Variants in NR2F6 observed in about 807,000 individuals in gnomAD.
NR2F6 encodes the protein nuclear receptor subfamily 2 group F member 6.
NR2F6 carries 16 observed loss-of-function variants against 26.5 expected under a neutral mutation model. That is an observed-to-expected ratio of 0.60 (90% CI 0.41 to 0.92). The LOEUF is 0.92. Ranked by LOEUF, NR2F6 falls within the 40% of genes least tolerant of loss-of-function variation. The probability of loss-of-function intolerance (pLI) is 0.00; values close to 1 mark genes in which losing one functional copy is unlikely to be tolerated. For synonymous variants in NR2F6, 325 were observed against 305.0 expected, an observed-to-expected ratio of 1.07 and a Z score of -0.68; for missense variants, 536 against 631.7, an observed-to-expected ratio of 0.85 and a Z score of 1.62.
At chr19:17,240,343 G>A (rs2073462259) in intron 2 of NR2F6, among the ~76,000 whole-genome samples, 1 of 152,264 alleles carries the variant, frequency 6.6e-6, no homozygotes, top group Non-Finnish European at 1.5e-5. Context: ...TGGAGTCGGG[G>A]GTAATTGGGG....
In NR2F6 at chr19:17,235,841, C is replaced by T. The variant is rs975798313; in HGVS notation, c.598G>A (p.Asp200Asn). The T allele has an allele frequency of 4.1e-6, 6 of 1,480,022 alleles. No individual in the cohort carries two copies. The highest frequency in any genetic ancestry group is 2.9e-5 in the East Asian group (1 of 34,702). 91.7% of individuals were successfully genotyped at this position (1,480,022 alleles called of 1,614,324 possible). The change falls in exon 3 of 4, where the codon GAC (aspartate) becomes AAC (asparagine). Residue 200 changes from aspartate (D) to asparagine (N), a missense_variant. Coordinates refer to ENST00000291442, the MANE Select transcript of NR2F6 (RefSeq NM_005234.4). This position sits in a 1 kb window ranked among gnomAD's most constrained non-coding sequence, Gnocchi z 5.0. ...GGAAGAVLGI[D>N]NVCELAARLL... is the part of the protein sequence containing the mutation. ...CGCGCCGCCAGCTCGCACACGTTGT[C>T]GATGCCCAGCACCGCGCCCGCCGCG...
At chr19:17,240,133 G>A (rs1318164522) in intron 2 of NR2F6, among the ~76,000 whole-genome samples, 4 of 152,216 alleles carry the variant, frequency 2.6e-5, no homozygotes, top group East Asian at 3.8e-4. Flanking sequence ...TGCTCCCAGC[G>A]CCCGGGGTCA....
intron 1 of NR2F6, 82 bp from the exon 2 acceptor site, chr19:17,240,847 T>G: frequency 1.4e-6 from 2 of 1,403,670 alleles, no homozygotes; most frequent in Non-Finnish European, 2.0e-6. Context: ...CTTTGGAGGC[T>G]GCCCCTCAGA....
intron 1 of NR2F6, among the ~76,000 whole-genome samples, chr19:17,241,946 G>C (rs991749277): frequency 6.6e-6 from 1 of 151,544 alleles, no homozygotes. Flanking sequence ...AACTGGGGAG[G>C]TGGAGGTTGC....
chr19:17,245,159 G>T lies in NR2F6; in HGVS notation c.62C>A (p.Ala21Glu). 1 of 1,434,116 alleles carries T rather than the reference G, an allele frequency of 7.0e-7. No homozygotes were observed. 88.8% of individuals were successfully genotyped at this position (1,434,116 alleles called of 1,614,324 possible). Residue 21 changes from alanine (A) to glutamate (E), a missense_variant, in exon 1 of 4, where the codon GCG becomes GAG. Transcript: ENST00000291442. This position sits in a 1 kb window ranked among gnomAD's most constrained non-coding sequence, Gnocchi z 5.0. Reference protein sequence around the residue: ...PGGDTNGVDKAGGYPRAAEDD... With the variant: ...PGGDTNGVDKEGGYPRAAEDD... Reference sequence around the variant, plus strand: ...CTCGGCCGCGCGCGGGTAGCCGCCCGCCTTGTCCACGCCGTTCGTGTCGCC... The same window carrying T: ...CTCGGCCGCGCGCGGGTAGCCGCCCTCCTTGTCCACGCCGTTCGTGTCGCC...
chr19:17,232,681 C>T (rs2073414413), intron 3 of NR2F6, 55 bp from the exon 4 acceptor site: 1 of 1,501,212 alleles, frequency 6.7e-7, no homozygotes, highest in Admixed American at 2.3e-5. Context: ...AACACAGAGC[C>T]CACAGGGGTG....
At chr19:17,241,891 C>T (rs1343611012) in intron 1 of NR2F6, among the ~76,000 whole-genome samples, 1 of 152,068 alleles carries the variant, frequency 6.6e-6, no homozygotes, top group Non-Finnish European at 1.5e-5. Context: ...TGGCGCATGC[C>T]TGTAATCCCA....
At chr19:17,234,435 C>T (rs1444012570) in intron 3 of NR2F6, among the ~76,000 whole-genome samples, 2 of 152,004 alleles carry the variant, frequency 1.3e-5, no homozygotes, top group Non-Finnish European at 2.9e-5. Context: ...AGGCCCAAAA[C>T]CATATTTATC....
In NR2F6 at chr19:17,240,705, G is replaced by T. The variant is rs373389051; in HGVS notation, c.339C>A (p.Leu113=). 2 of 1,614,094 alleles carry T rather than the reference G, an allele frequency of 1.2e-6. No homozygotes were observed. Among genetic ancestry groups the T allele is most frequent in the South Asian group, 2.2e-5 (2 of 91,096 alleles). ...HHRNQCQYCR[L]KKCFRVGMRK... ...TCATGCCCACCCGGAAGCACTTCTT[G>T]AGACGGCAGTACTGGCACTGGTTCC... Residue 113 remains leucine (L), a synonymous_variant, in exon 2 of 4, where the codon CTC becomes CTA. Transcript: ENST00000291442.
intron 2 of NR2F6, among the ~76,000 whole-genome samples, chr19:17,236,387 C>T (rs2073438906): frequency 6.6e-6 from 1 of 151,962 alleles, no homozygotes; most frequent in East Asian, 1.9e-4. Flanking sequence ...CCTCCAAAGC[C>T]TCCAGGCCCA....
chr19:17,242,743 G>C (rs2073476538), intron 1 of NR2F6, among the ~76,000 whole-genome samples: 1 of 152,202 alleles, frequency 6.6e-6, no homozygotes, highest in South Asian at 2.1e-4. Flanking sequence ...GCAGGCAGAG[G>C]CCCAGCTCAG....
At chr19:17,242,025 GA>G (rs199571631) in intron 1 of NR2F6, among the ~76,000 whole-genome samples, 16,270 of 120,980 alleles carry the variant, frequency 0.13, 988 homozygotes, top group African/African-American at 0.19. Flanking sequence ...CAAAAAAAAA[GA>G]AAAAAAAAAA....
intron 1 of NR2F6, among the ~76,000 whole-genome samples, chr19:17,241,831 C>A (rs1259444849): frequency 6.6e-6 from 1 of 151,934 alleles, no homozygotes; most frequent in Non-Finnish European, 1.5e-5. Context: ...GCCTGGCCAA[C>A]ATGGTGAAAC....
At chr19:17,242,984 T>A (rs950295602) in intron 1 of NR2F6, among the ~76,000 whole-genome samples, 3 of 152,224 alleles carry the variant, frequency 2.0e-5, no homozygotes, top group Admixed American at 6.5e-5. Flanking sequence ...ACACCCTCTA[T>A]GGCTCCCCAT....
At chr19:17,244,786 C>T (rs180987072) in intron 1 of NR2F6, among the ~76,000 whole-genome samples, 157 bp downstream of exon 1, 397 of 152,330 alleles carry the variant, frequency 2.6e-3, no homozygotes, top group African/African-American at 9.1e-3. Context: ...CAATCCCAGC[C>T]ATGGAATGCG....
chr19:17,241,574 T>C (rs2073469492), intron 1 of NR2F6, among the ~76,000 whole-genome samples: 1 of 152,238 alleles, frequency 6.6e-6, no homozygotes, highest in Non-Finnish European at 1.5e-5. Context: ...CCTTCTCCCC[T>C]TGGCCCCTGC....
chr19:17,232,696 G>GGGGACA (rs2073414530), intron 3 of NR2F6, 70 bp from the exon 4 acceptor site: 1 of 1,481,578 alleles, frequency 6.7e-7, no homozygotes, highest in African/African-American at 1.4e-5. Flanking sequence ...GGGGTGACTA[G>GGGGACA]GGGACACCAC....
At chr19:17,241,486 G>A (rs2073468921) in intron 1 of NR2F6, among the ~76,000 whole-genome samples, 1 of 152,216 alleles carries the variant, frequency 6.6e-6, no homozygotes, top group Non-Finnish European at 1.5e-5. Flanking sequence ...GCCCCACCCT[G>A]AGAGGTGGTG....
intron 2 of NR2F6, 138 bp downstream of exon 2, chr19:17,240,533 C>A (rs570480089): frequency 9.0e-6 from 8 of 887,078 alleles, no homozygotes; most frequent in Non-Finnish European, 1.5e-5. Context: ...CAGGCGCCGG[C>A]CCCCACCCTG....
Sources: allele counts gnomAD v4.1 joint callset (sites outside exome capture counted in the v4.1 genomes callset), GRCh38; gene constraint gnomAD v4.1.1; non-coding constraint Gnocchi (gnomAD v3.1); transcripts MANE v1.5; gene names NCBI Gene and HGNC (gene_info 2026-07-23, HGNC 2026-07-21).